The following RAPGEF5 variants were observed in gnomAD, a reference collection of about 807,000 sequenced individuals.
RAPGEF5 encodes the protein Rap guanine nucleotide exchange factor 5.
Under a neutral mutation model 125.2 loss-of-function variants are expected in RAPGEF5, and 65 were observed. That is an observed-to-expected ratio of 0.52 (90% confidence interval 0.43 to 0.64). RAPGEF5 has a LOEUF of 0.64. Ranked by LOEUF, RAPGEF5 falls within the 30% of genes least tolerant of loss-of-function variation. The pLI, the probability that RAPGEF5 is intolerant of heterozygous loss-of-function variation, is 0.00. For synonymous variants in RAPGEF5, 391 were observed against 385.9 expected, an observed-to-expected ratio of 1.01 and a Z score of -0.16; for missense variants, 958 against 1,048.1, an observed-to-expected ratio of 0.91 and a Z score of 1.19.
chr7:22,181,460 G>A (rs1370845839), intron 11 of RAPGEF5, among the ~76,000 whole-genome samples: 2 of 152,160 alleles, frequency 1.3e-5, no homozygotes, highest in Non-Finnish European at 2.9e-5. Flanking sequence ...CCCACTAAAT[G>A]AAGCTCATTT....
chr7:22,162,330 T>A, intron 13 of RAPGEF5, 67 bp downstream of exon 13: 1 of 1,463,124 alleles, frequency 6.8e-7, no homozygotes, highest in African/African-American at 1.4e-5. Flanking sequence ...ATGAGATTTT[T>A]AAAATGCATA....
chr7:22,264,204 T>C (rs542985817), intron 7 of RAPGEF5, among the ~76,000 whole-genome samples: 2 of 152,326 alleles, frequency 1.3e-5, no homozygotes, highest in Admixed American at 1.3e-4. Flanking sequence ...TCTGATTATG[T>C]CCTACAGCCA....
Position 22,285,311 on chromosome 7 carries a change from G to A in RAPGEF5, c.747+5864C>T, listed in dbSNP as rs1032880489. ...TCGTTACATCAGACCATCATGGTCA[G>A]GACCATCTGTATTCAACATGACAAA... is the stretch of plus-strand genomic sequence containing the variant. On this transcript the variant is annotated intron_variant, in intron 6 of 25. Transcript: ENST00000665637. 2.6e-5 allele frequency among the ~76,000 whole-genome samples: 4 copies of A among 152,308 alleles called. No individual in the cohort carries two copies. The South Asian group carries it at 8.3e-4, about 32-fold the overall frequency.
At chr7:22,223,958 G>C (rs573575803) in intron 8 of RAPGEF5, among the ~76,000 whole-genome samples, 2 of 152,280 alleles carry the variant, frequency 1.3e-5, no homozygotes, top group South Asian at 4.1e-4. Flanking sequence ...GTAGGTCATG[G>C]GGTCTCTGTT....
chr7:22,281,236 C>T (rs1288216136), intron 6 of RAPGEF5, among the ~76,000 whole-genome samples: 2 of 152,150 alleles, frequency 1.3e-5, no homozygotes, highest in African/African-American at 4.8e-5. Flanking sequence ...TTTTGAGGCA[C>T]AGTCTGGCTC....
rs1562715358 is a variant in RAPGEF5, at chr7:22,145,163, G to A, written c.2067C>T (p.Leu689=). The A allele has an allele frequency of 6.2e-7, 1 of 1,613,494 alleles. No homozygotes were observed. The highest frequency in any genetic ancestry group is 8.5e-7 in the Non-Finnish European group (1 of 1,179,722). ...RQGSGEHTAN[L]SLLLQRCNEV... ...CATTGCATCTCTGGAGCAGAAGGCT[G>A]AGATTTGCAGTGTGTTCCCCACTTC... The change falls in exon 20 of 26, where the codon CTC becomes CTT. Residue 689 remains leucine (L), a synonymous_variant. Transcript: ENST00000665637.
chr7:22,133,025 A>G (rs2128100465), intron 23 of RAPGEF5, among the ~76,000 whole-genome samples: 1 of 152,334 alleles, frequency 6.6e-6, no homozygotes, highest in South Asian at 2.1e-4. Flanking sequence ...AGGTGCAGTC[A>G]ACCTGCTCAA....
chr7:22,274,813 G>A (rs577700613), intron 6 of RAPGEF5, among the ~76,000 whole-genome samples: 62 of 152,116 alleles, frequency 4.1e-4, no homozygotes, highest in African/African-American at 1.4e-3. Flanking sequence ...TCTCTACTCT[G>A]CAGTCAGACT....
chr7:22,126,211 G>C (rs1285974061), intron 24 of RAPGEF5, among the ~76,000 whole-genome samples: 1 of 152,140 alleles, frequency 6.6e-6, no homozygotes, highest in Non-Finnish European at 1.5e-5. Context: ...TATGAGCCAT[G>C]AGAAAATACA....
At chr7:22,340,110 C>T (rs1485656590) in intron 1 of RAPGEF5, among the ~76,000 whole-genome samples, 1 of 152,168 alleles carries the variant, frequency 6.6e-6, no homozygotes, top group Non-Finnish European at 1.5e-5. Flanking sequence ...GGGCATCAAG[C>T]ACCCTCTCCC....
intron 17 of RAPGEF5, among the ~76,000 whole-genome samples, 194 bp from the exon 18 acceptor site, chr7:22,150,698 T>C (rs1288394788): frequency 6.6e-6 from 1 of 152,210 alleles, no homozygotes; most frequent in East Asian, 1.9e-4. Context: ...TAGCTCTCAC[T>C]GCTCAGCGGT....
chr7:22,173,821 T>A (rs566190286), intron 11 of RAPGEF5, among the ~76,000 whole-genome samples: 2 of 135,378 alleles, frequency 1.5e-5, no homozygotes, highest in Admixed American at 7.9e-5. Flanking sequence ...CTAAGAGCGG[T>A]GAGCGGCCTC....
At position 22,157,957 on chromosome 7, in the gene RAPGEF5, C is replaced by A. The variant is rs1783865563; in HGVS notation, c.1527-72G>T. 3.5e-6 allele frequency: 5 copies of A among 1,442,820 alleles called. No homozygotes were observed. In the East Asian group the frequency reaches 1.1e-4, roughly 33 times the overall value. The allele number at this position is 1,442,820 out of a possible 1,614,324, so 89.4% of individuals were successfully genotyped here. ...ATAATGCAGTTATTGTTACGGAAGA[C>A]TAATTTTCCAGCACTAGGCAGAGGA... On this transcript the variant is annotated intron_variant, in intron 14 of 25. Coordinates refer to ENST00000665637, the MANE Select transcript of RAPGEF5 (RefSeq NM_012294.5).
intron 1 of RAPGEF5, among the ~76,000 whole-genome samples, chr7:22,349,422 C>CAAA (rs34428356): frequency 1.6e-3 from 123 of 74,848 alleles, no homozygotes; most frequent in East Asian, 3.6e-3. Context: ...AGACTCCATC[C>CAAA]AAAAAAAAAA....
At chr7:22,147,150 T>C in intron 18 of RAPGEF5, 131 bp from the exon 19 acceptor site, 2 of 1,222,608 alleles carry the variant, frequency 1.6e-6, no homozygotes. Context: ...ATATTTTCCC[T>C]GGTCTGTTCA....
intron 1 of RAPGEF5, among the ~76,000 whole-genome samples, chr7:22,353,576 G>GC (rs1784368015): frequency 6.6e-6 from 1 of 152,230 alleles, no homozygotes; most frequent in Non-Finnish European, 1.5e-5. Context: ...AACTGTTGAA[G>GC]CACAGGTGTT....
At chr7:22,233,062 CTT>C (rs760614502) in intron 7 of RAPGEF5, among the ~76,000 whole-genome samples, 4 of 152,050 alleles carry the variant, frequency 2.6e-5, no homozygotes, top group Admixed American at 6.6e-5. Flanking sequence ...TAGGAGGAAA[CTT>C]AAGAACAAAG....
chr7:22,270,006 A>G (rs1782381020), intron 6 of RAPGEF5, among the ~76,000 whole-genome samples: 1 of 152,252 alleles, frequency 6.6e-6, no homozygotes, highest in Admixed American at 6.5e-5. Flanking sequence ...CAGCTGTTCT[A>G]TAAAACTGAG....
intron 5 of RAPGEF5, among the ~76,000 whole-genome samples, chr7:22,294,109 C>A (rs1053356172): frequency 2.7e-5 from 4 of 150,836 alleles, no homozygotes; most frequent in African/African-American, 9.7e-5. Context: ...GGCTGTGCTG[C>A]TCGTGAATGA....
Sources: allele counts gnomAD v4.1 joint callset (sites outside exome capture counted in the v4.1 genomes callset), GRCh38; gene constraint gnomAD v4.1.1; transcripts MANE v1.5; gene names NCBI Gene and HGNC (gene_info 2026-07-23, HGNC 2026-07-21).